The following INPP4B variants were observed in gnomAD, a reference collection of about 807,000 sequenced individuals.
INPP4B encodes inositol polyphosphate-4-phosphatase type II B.
Under a neutral mutation model 122.5 loss-of-function variants are expected in INPP4B, and 55 were observed. The observed-to-expected ratio is 0.45, with a 90% CI of 0.36 to 0.56. The LOEUF (loss-of-function observed/expected upper bound fraction) is 0.56. Ranked by LOEUF, INPP4B falls within the 20% of genes least tolerant of loss-of-function variation. The pLI is 0.00. For synonymous variants in INPP4B, 403 were observed against 388.7 expected (o/e 1.04, Z -0.43); for missense variants, 1,000 against 1,097.7 (o/e 0.91, Z 1.26).
intron 2 of INPP4B, among the ~76,000 whole-genome samples, chr4:142,665,529 G>T (rs1214111175): frequency 6.8e-6 from 1 of 147,522 alleles, no homozygotes; most frequent in Admixed American, 6.8e-5. Flanking sequence ...GAAAGAAAAA[G>T]AAAAAGAAAC....
intron 3 of INPP4B, among the ~76,000 whole-genome samples, chr4:142,446,299 A>C (rs1341125675): frequency 6.6e-6 from 1 of 151,904 alleles, no homozygotes; most frequent in Non-Finnish European, 1.5e-5. Flanking sequence ...GAAACATATT[A>C]AATGATTATC....
At chr4:142,650,635 CA>C (rs1752742906) in intron 2 of INPP4B, among the ~76,000 whole-genome samples, 1 of 151,628 alleles carries the variant, frequency 6.6e-6, no homozygotes, top group Non-Finnish European at 1.5e-5. Context: ...GGCCATCACA[CA>C]ATGGTAAAGG....
chr4:142,375,259 T>G (rs933651798), intron 7 of INPP4B, among the ~76,000 whole-genome samples: 1 of 151,882 alleles, frequency 6.6e-6, no homozygotes, highest in Non-Finnish European at 1.5e-5. Context: ...TTCAGGACAC[T>G]GCACTACTTG....
intron 2 of INPP4B, among the ~76,000 whole-genome samples, chr4:142,687,422 T>C (rs1759499535): frequency 6.6e-6 from 1 of 151,848 alleles, no homozygotes; most frequent in African/African-American, 2.4e-5. Context: ...CACAAAGAAA[T>C]GCAAAGCACA....
At chr4:142,331,128 A>T (rs1774311419) in intron 7 of INPP4B, among the ~76,000 whole-genome samples, 1 of 152,194 alleles carries the variant, frequency 6.6e-6, no homozygotes, top group Admixed American at 6.5e-5. Context: ...TGGGATGGGT[A>T]TTTTGTCTTT....
intron 25 of INPP4B, among the ~76,000 whole-genome samples, chr4:142,033,939 T>C (rs1263448517): frequency 6.6e-6 from 1 of 152,074 alleles, no homozygotes; most frequent in Non-Finnish European, 1.5e-5. Flanking sequence ...AGTGCTGGGA[T>C]TACAGGCATG....
intron 3 of INPP4B, among the ~76,000 whole-genome samples, chr4:142,440,446 A>C (rs1811444643): frequency 6.6e-6 from 1 of 152,226 alleles, no homozygotes; most frequent in South Asian, 2.1e-4. Flanking sequence ...GGAAAATAAG[A>C]ATATGACAAG....
intron 12 of INPP4B, among the ~76,000 whole-genome samples, chr4:142,221,576 A>G (rs1849411325): frequency 6.6e-6 from 1 of 151,676 alleles, no homozygotes. Context: ...CGTTTTTCAC[A>G]TTAAACTCCA....
chr4:142,258,801 C>A (rs912602682), intron 11 of INPP4B, among the ~76,000 whole-genome samples: 10 of 152,298 alleles, frequency 6.6e-5, no homozygotes, highest in African/African-American at 2.2e-4. Flanking sequence ...TGTGGCAATT[C>A]CTCAGGGATC....
In INPP4B at chr4:142,506,902, C is replaced by T. The variant is rs115077090; in HGVS notation, c.-190-44176G>A. On this transcript the variant is annotated intron_variant, in intron 2 of 25. Transcript: ENST00000262992. The stretch of plus-strand genomic sequence containing the variant: ...GCAGAGAAGGGAGATCCAACAAAGC[C>T]TGTTGGAGGACAGTGGTTGGAGAAA... 5.2e-3 allele frequency among the ~76,000 whole-genome samples: 796 copies of T among 152,290 alleles called. 7 individuals are homozygous for T. Among genetic ancestry groups the T allele is most frequent in the African/African-American group, 0.018 (752 of 41,548 alleles).
At chr4:142,201,660 A>C (rs1033806121) in intron 14 of INPP4B, among the ~76,000 whole-genome samples, 1 of 151,972 alleles carries the variant, frequency 6.6e-6, no homozygotes, top group Non-Finnish European at 1.5e-5. Context: ...TTTAGAATTA[A>C]CTGCAATTGA....
chr4:142,549,788 G>A (rs1727541598), intron 2 of INPP4B, among the ~76,000 whole-genome samples: 1 of 152,112 alleles, frequency 6.6e-6, no homozygotes, highest in African/African-American at 2.4e-5. Flanking sequence ...ATGAGGCAGG[G>A]GCCTATGGCA....
chr4:142,546,341 T>C (rs1829648770), intron 2 of INPP4B, among the ~76,000 whole-genome samples: 1 of 152,208 alleles, frequency 6.6e-6, no homozygotes, highest in Non-Finnish European at 1.5e-5. Context: ...CTATCATTGA[T>C]GGGCATTTAG....
intron 7 of INPP4B, among the ~76,000 whole-genome samples, chr4:142,320,191 T>A (rs1442873890): frequency 1.3e-5 from 2 of 152,214 alleles, no homozygotes; most frequent in Non-Finnish European, 1.5e-5. Context: ...CTCCTTGGCA[T>A]CAAATCTTCT....
At chr4:142,723,689 T>C (rs1220484849) in intron 2 of INPP4B, among the ~76,000 whole-genome samples, 2 of 152,300 alleles carry the variant, frequency 1.3e-5, no homozygotes, top group Middle Eastern at 3.4e-3. Context: ...TTAGTCATCA[T>C]GTATACTAAG....
chr4:142,136,864 C>T (rs955854312), intron 18 of INPP4B, among the ~76,000 whole-genome samples: 14 of 151,950 alleles, frequency 9.2e-5, no homozygotes, highest in African/African-American at 2.7e-4. Context: ...TATACAAAAC[C>T]GCTGTTAAAA....
chr4:142,348,114 A>C (rs956411093), intron 7 of INPP4B, among the ~76,000 whole-genome samples: 2 of 152,052 alleles, frequency 1.3e-5, no homozygotes, highest in African/African-American at 4.8e-5. Context: ...CCATCTTGCA[A>C]ATAATATGCT....
At chr4:142,822,081 A>G (rs954155330) in intron 1 of INPP4B, among the ~76,000 whole-genome samples, 2 of 152,146 alleles carry the variant, frequency 1.3e-5, no homozygotes, top group Non-Finnish European at 2.9e-5. Context: ...GGAGATTTTA[A>G]GCAAAAGCTG....
intron 2 of INPP4B, among the ~76,000 whole-genome samples, chr4:142,515,751 G>A (rs1825340607): frequency 6.6e-6 from 1 of 152,160 alleles, no homozygotes; most frequent in African/African-American, 2.4e-5. Context: ...TAAAACCAAA[G>A]TCTGAAAACC....
Sources: gnomAD v4.1 joint callset for allele counts (sites outside exome capture counted in the v4.1 genomes callset) on GRCh38, gnomAD v4.1.1 for gene constraint, MANE v1.5 for transcripts, NCBI Gene and HGNC (gene_info 2026-07-23, HGNC 2026-07-21) for gene names.